ZFHX3: variants seen among roughly 807,000 people sequenced by gnomAD.
ZFHX3 encodes the protein zinc finger homeobox 3.
In ZFHX3, 42 loss-of-function variants were observed where a neutral mutation model predicts 279.1. The observed-to-expected ratio is 0.15, with a 90% confidence interval of 0.12 to 0.19. The LOEUF is 0.19. ZFHX3 is among the 10% of genes least tolerant of loss of function. The pLI, the probability that ZFHX3 is intolerant of heterozygous loss-of-function variation, is 1.00. For synonymous variants in ZFHX3, 2,293 were observed against 1,957.8 expected (o/e 1.17, Z -4.52); for missense variants, 4,981 against 4,754.0 (o/e 1.05, Z -1.40).
intron 2 of ZFHX3, among the ~76,000 whole-genome samples, chr16:73,625,847 C>A (rs775407582): frequency 7.2e-5 from 11 of 152,082 alleles, no homozygotes; most frequent in South Asian, 2.1e-4. Context: ...AAATAAAATT[C>A]TTTTCTCTTT....
At chr16:73,217,020 C>G (rs1199264659) in intron 5 of ZFHX3, among the ~76,000 whole-genome samples, 2 of 152,116 alleles carry the variant, frequency 1.3e-5, no homozygotes, top group African/African-American at 4.8e-5. Flanking sequence ...TAATGTTGAC[C>G]CACTGCCATT....
At chr16:72,812,843 G>A (rs983698749) in intron 5 of ZFHX3, among the ~76,000 whole-genome samples, 2 of 152,330 alleles carry the variant, frequency 1.3e-5, no homozygotes, top group African/African-American at 4.8e-5. Context: ...CAGACAGCAC[G>A]TACGGAAGTG....
intron 1 of ZFHX3, among the ~76,000 whole-genome samples, chr16:73,019,114 A>C (rs1405212359): frequency 6.6e-6 from 1 of 152,198 alleles, no homozygotes; most frequent in Non-Finnish European, 1.5e-5. Context: ...AAGTCAAAAG[A>C]GTTGGGATTA....
At chr16:73,122,372 A>AT (rs1355827485) in intron 7 of ZFHX3, among the ~76,000 whole-genome samples, 5,143 of 138,940 alleles carry the variant, frequency 0.037, 267 homozygotes, top group African/African-American at 0.12. Flanking sequence ...TAATTTTTGT[A>AT]TTTTTTTTTT....
chr16:73,351,510 G>A (rs566926886), intron 3 of ZFHX3, among the ~76,000 whole-genome samples: 3 of 152,316 alleles, frequency 2.0e-5, no homozygotes, highest in Non-Finnish European at 4.4e-5. Flanking sequence ...TTGGGAACCT[G>A]TTTCTTTCCC....
chr16:73,851,421 C>T (rs188671721), intron 1 of ZFHX3, among the ~76,000 whole-genome samples: 7 of 152,264 alleles, frequency 4.6e-5, no homozygotes, highest in Admixed American at 1.3e-4. Flanking sequence ...GAAAGCATAC[C>T]GACTTGAAGT....
intron 5 of ZFHX3, among the ~76,000 whole-genome samples, chr16:73,238,398 C>A (rs1029262430): frequency 6.6e-6 from 1 of 152,132 alleles, no homozygotes; most frequent in African/African-American, 2.4e-5. Flanking sequence ...ATTCAGGGCA[C>A]CCCAAATCAT....
intron 1 of ZFHX3, among the ~76,000 whole-genome samples, chr16:72,976,498 C>A (rs1183348295): frequency 6.6e-6 from 1 of 152,160 alleles, no homozygotes; most frequent in Non-Finnish European, 1.5e-5. Context: ...TTATTGAGTG[C>A]CTACAACATA....
At chr16:72,858,567 G>C (rs2143879931) in intron 4 of ZFHX3, among the ~76,000 whole-genome samples, 1 of 152,214 alleles carries the variant, frequency 6.6e-6, no homozygotes, top group African/African-American at 2.4e-5. Flanking sequence ...ACATCAGCAG[G>C]GTAGCCAAGT....
At chr16:73,122,419 C>T (rs1298191661) in intron 7 of ZFHX3, among the ~76,000 whole-genome samples, 2 of 151,728 alleles carry the variant, frequency 1.3e-5, no homozygotes, top group African/African-American at 2.4e-5. Flanking sequence ...GTTGGCCAGG[C>T]TGGTCTCGAA....
intron 3 of ZFHX3, among the ~76,000 whole-genome samples, chr16:73,434,614 T>G (rs949720556): frequency 1.6e-4 from 24 of 151,866 alleles, no homozygotes; most frequent in Non-Finnish European, 3.2e-4. Context: ...GATGGTGTTT[T>G]TTTTTTGTTG....
upstream of ZFHX3, among the ~76,000 whole-genome samples, chr16:73,051,072 T>A (rs1472481335): frequency 6.6e-6 from 1 of 152,232 alleles, no homozygotes. Context: ...ATATGATCTC[T>A]AAGATACAGT....
chr16:72,950,360 C>G, intron 3 of ZFHX3, 109 bp downstream of exon 3: 1 of 1,497,356 alleles, frequency 6.7e-7, no homozygotes, highest in South Asian at 1.3e-5. Context: ...AACAGCCAAG[C>G]AGGCCATGCC....
intron 2 of ZFHX3, among the ~76,000 whole-genome samples, chr16:73,678,649 C>T (rs1201487932): frequency 6.6e-6 from 1 of 152,028 alleles, no homozygotes; most frequent in Non-Finnish European, 1.5e-5. Flanking sequence ...TGGCAAGTGT[C>T]TGGATATGAC....
At chr16:73,111,976 C>T (rs1218304255) in intron 7 of ZFHX3, among the ~76,000 whole-genome samples, 4 of 152,016 alleles carry the variant, frequency 2.6e-5, no homozygotes, top group Non-Finnish European at 5.9e-5. Context: ...CCGTCCTCTA[C>T]CAAGAATCGC....
At chr16:73,201,059 G>A (rs1968257114) in intron 5 of ZFHX3, among the ~76,000 whole-genome samples, 1 of 152,134 alleles carries the variant, frequency 6.6e-6, no homozygotes, top group South Asian at 2.1e-4. Flanking sequence ...GTTTGGGCAG[G>A]GCAGACCCTA....
Position 73,083,449 on chromosome 16 carries a change from G to A in ZFHX3, c.-533+9786C>T, listed in dbSNP as rs558995976. 4 of 152,288 alleles carry A rather than the reference G, an allele frequency of 2.6e-5. No homozygotes were observed. In the East Asian group the frequency reaches 7.7e-4, roughly 29 times the overall value. 9.4% of individuals were successfully genotyped at this position (152,288 alleles called of 1,614,324 possible). A position where few individuals can be genotyped will look rare whatever the true frequency, so the allele number is the denominator to read the frequency against. ...ATTATCTGATATATAAAACACAAAG[G>A]GTGAAAAGCTGTAAATGAATGGTGG... On this transcript the variant is annotated intron_variant, in intron 8 of 17. Transcript: ENST00000641206.
At chr16:72,806,778 A>G (rs1040345713) in intron 7 of ZFHX3, among the ~76,000 whole-genome samples, 2 of 152,190 alleles carry the variant, frequency 1.3e-5, no homozygotes, top group Non-Finnish European at 2.9e-5. Context: ...CAGGGCCAGG[A>G]GCATGGAAGG....
chr16:73,027,020 G>C (rs978180371), intron 1 of ZFHX3, among the ~76,000 whole-genome samples: 1 of 152,244 alleles, frequency 6.6e-6, no homozygotes, highest in African/African-American at 2.4e-5. Context: ...CCACATGATA[G>C]CATGAAAGTG....
Sources: allele counts gnomAD v4.1 joint callset (sites outside exome capture counted in the v4.1 genomes callset), GRCh38; gene constraint gnomAD v4.1.1; transcripts MANE v1.5; gene names NCBI Gene and HGNC (gene_info 2026-07-23, HGNC 2026-07-21).